SYCP1: variants seen among roughly 807,000 people sequenced by gnomAD.
The protein encoded by SYCP1 is synaptonemal complex protein 1, also known as cancer/testis antigen 8.
SYCP1 carries 64 observed loss-of-function variants against 153.1 expected under a neutral mutation model. That is an observed-to-expected ratio of 0.42 (90% CI 0.34 to 0.51). The LOEUF is 0.51. SYCP1 is among the 20% of genes least tolerant of loss of function. The pLI, the probability that SYCP1 is intolerant of heterozygous loss-of-function variation, is 0.06. For synonymous variants in SYCP1, 384 were observed against 341.8 expected, an observed-to-expected ratio of 1.12 and a Z score of -1.36; for missense variants, 997 against 1,049.0, an observed-to-expected ratio of 0.95 and a Z score of 0.68.
chr1:114,910,860 A>G (rs1668128932), intron 17 of SYCP1, among the ~76,000 whole-genome samples: 1 of 151,956 alleles, frequency 6.6e-6, no homozygotes, highest in South Asian at 2.1e-4. Context: ...GCAGCTTTGA[A>G]CTCCTGTGCT....
At chr1:114,971,358 C>T (rs765263342) in intron 27 of SYCP1, among the ~76,000 whole-genome samples, 1 of 152,062 alleles carries the variant, frequency 6.6e-6, no homozygotes, top group East Asian at 1.9e-4. Flanking sequence ...CCCTCTGATG[C>T]TTTGTACAGT....
Position 114,981,239 on chromosome 1 carries a change from G to T in SYCP1, c.2383-97G>T, listed in dbSNP as rs1323472397. 7.4e-6 allele frequency: 7 copies of T among 943,796 alleles called. No individual in the cohort carries two copies. The African/African-American group carries it at 1.0e-4, about 14-fold the overall frequency. The allele number at this position is 943,796 out of a possible 1,614,324, so 58.5% of individuals were successfully genotyped here. A position where few individuals can be genotyped will look rare whatever the true frequency, so the allele number is the denominator to read the frequency against. ...ATTTAGGGATAAATTTGCTTATTTT[G>T]TTGTGAATTCTACTAGTTGCTGCAC... On this transcript the variant is annotated intron_variant, in intron 28 of 31. Coordinates refer to ENST00000369522, the MANE Select transcript of SYCP1 (RefSeq NM_003176.4).
chr1:114,884,914 A>G (rs1224752628), intron 12 of SYCP1, among the ~76,000 whole-genome samples: 2 of 152,166 alleles, frequency 1.3e-5, no homozygotes, highest in African/African-American at 2.4e-5. Flanking sequence ...GCACAAATAT[A>G]AAACATATAG....
intron 28 of SYCP1, among the ~76,000 whole-genome samples, chr1:114,980,037 A>G (rs571957670): frequency 6.6e-6 from 1 of 151,832 alleles, no homozygotes; most frequent in African/African-American, 2.4e-5. Context: ...ATTCAGAGAA[A>G]GGAGAGATGT....
At chr1:114,946,508 A>T (rs1670718593) in intron 26 of SYCP1, 127 bp downstream of exon 26, 1 of 483,850 alleles carries the variant, frequency 2.1e-6, no homozygotes, top group African/African-American at 2.1e-5. Flanking sequence ...TCTGAAAGGG[A>T]TCTTATAGAT....
intron 16 of SYCP1, among the ~76,000 whole-genome samples, chr1:114,899,137 A>G (rs1667254534): frequency 6.6e-6 from 1 of 152,254 alleles, no homozygotes. Flanking sequence ...GTTGCAAAAG[A>G]AAATGAATTC....
chr1:114,885,526 C>T lies in SYCP1; in HGVS notation c.911-9C>T. ...CTAAGTACTATCTATTTATAACTTT[C>T]TCTTTTAGAATTACAGAGTGAAAAC... On this transcript the variant is annotated splice_polypyrimidine_tract_variant and intron_variant, in intron 12 of 31. Coordinates refer to ENST00000369522, the MANE Select transcript of SYCP1 (RefSeq NM_003176.4). 6.7e-7 allele frequency: 1 copy of T among 1,483,950 alleles called. No individual in the cohort carries two copies. Among genetic ancestry groups the T allele is most frequent in the Non-Finnish European group, 9.3e-7 (1 of 1,078,864 alleles). The allele number at this position is 1,483,950 out of a possible 1,614,324, so 91.9% of individuals were successfully genotyped here.
intron 27 of SYCP1, among the ~76,000 whole-genome samples, chr1:114,973,238 A>G (rs529910187): frequency 6.6e-6 from 1 of 152,134 alleles, no homozygotes; most frequent in Middle Eastern, 3.4e-3. Context: ...TTTTAGAGGA[A>G]TCTTCTGTTT....
At chr1:114,927,045 A>C (rs918208963) in intron 23 of SYCP1, among the ~76,000 whole-genome samples, 1 of 152,114 alleles carries the variant, frequency 6.6e-6, no homozygotes, top group Non-Finnish European at 1.5e-5. Context: ...TCTTTGAACA[A>C]TGACTGACAG....
At chr1:114,868,423 A>T (rs888235951) in intron 8 of SYCP1, among the ~76,000 whole-genome samples, 1 of 152,154 alleles carries the variant, frequency 6.6e-6, no homozygotes, top group Non-Finnish European at 1.5e-5. Flanking sequence ...TTGGGATTAT[A>T]GGTGTGGGCC....
At chr1:114,876,960 G>A (rs1435994675) in intron 11 of SYCP1, 150 bp downstream of exon 11, 1 of 342,044 alleles carries the variant, frequency 2.9e-6, no homozygotes, top group African/African-American at 2.1e-5. Flanking sequence ...TTAGCCTTTA[G>A]ACTCACTTAA....
intron 17 of SYCP1, 69 bp downstream of exon 17, chr1:114,910,570 T>A: frequency 1.0e-6 from 1 of 962,510 alleles, no homozygotes; most frequent in Non-Finnish European, 1.5e-6. Flanking sequence ...GATTATGGTA[T>A]AAGTATTTCT....
intron 27 of SYCP1, among the ~76,000 whole-genome samples, chr1:114,955,818 A>G (rs1354227832): frequency 2.0e-5 from 3 of 152,150 alleles, no homozygotes; most frequent in Admixed American, 6.5e-5. Context: ...TGGCTGACCT[A>G]CTGAGTTTGC....
At chr1:114,938,195 C>T (rs1380707251) in intron 23 of SYCP1, among the ~76,000 whole-genome samples, 2 of 152,124 alleles carry the variant, frequency 1.3e-5, no homozygotes, top group Non-Finnish European at 2.9e-5. Context: ...GGCACATATA[C>T]ACCATGGAAT....
chr1:114,988,863 A>G (rs1164179371), intron 30 of SYCP1, among the ~76,000 whole-genome samples: 1 of 152,038 alleles, frequency 6.6e-6, no homozygotes, highest in Non-Finnish European at 1.5e-5. Flanking sequence ...CGCACAATGT[A>G]TAAAGATGTA....
At chr1:114,934,936 A>G (rs1313365734) in intron 23 of SYCP1, among the ~76,000 whole-genome samples, 1 of 152,230 alleles carries the variant, frequency 6.6e-6, no homozygotes, top group Non-Finnish European at 1.5e-5. Context: ...AAAGGTACTT[A>G]GACTCCCACA....
intron 27 of SYCP1, among the ~76,000 whole-genome samples, chr1:114,950,632 T>C (rs961210037): frequency 6.6e-6 from 1 of 152,124 alleles, no homozygotes; most frequent in African/African-American, 2.4e-5. Flanking sequence ...TTTTATTGCA[T>C]TGTCTATACT....
Position 114,923,544 on chromosome 1 carries a change from A to G in SYCP1, c.1800+14A>G. ...AGTGAAGAAAATGTATGTTATATTTAATAATGGATCGTATCACAAAATTTC... is the reference window on the plus strand; with the variant it reads ...AGTGAAGAAAATGTATGTTATATTTGATAATGGATCGTATCACAAAATTTC... On this transcript the variant is annotated intron_variant, in intron 21 of 31. Coordinates refer to ENST00000369522, the MANE Select transcript of SYCP1 (RefSeq NM_003176.4). The G allele has an allele frequency of 1.3e-6, 2 of 1,558,098 alleles. No homozygotes were observed. Among genetic ancestry groups the G allele is most frequent in the Non-Finnish European group, 8.7e-7 (1 of 1,149,636 alleles).
chr1:114,927,467 T>A (rs1402318620), intron 23 of SYCP1, among the ~76,000 whole-genome samples: 1 of 152,114 alleles, frequency 6.6e-6, no homozygotes, highest in Non-Finnish European at 1.5e-5. Flanking sequence ...ATTATAAACA[T>A]CTTCAAAGAC....
Sources: gnomAD v4.1 joint callset for allele counts (sites outside exome capture counted in the v4.1 genomes callset) on GRCh38, gnomAD v4.1.1 for gene constraint, MANE v1.5 for transcripts, NCBI Gene and HGNC (gene_info 2026-07-23, HGNC 2026-07-21) for gene names.